NAV3: variants seen among roughly 807,000 people sequenced by gnomAD.
NAV3 encodes the protein pore membrane and/or filament interacting like protein 1.
In NAV3, 87 loss-of-function variants were observed where a neutral mutation model predicts 244.7. The ratio of observed to expected loss-of-function variants is 0.36; its 90% CI spans 0.30 to 0.42. The LOEUF (loss-of-function observed/expected upper bound fraction) is 0.42. NAV3 is among the 20% of genes least tolerant of loss of function. The pLI is 1.00. For missense variants in NAV3, 2,663 were observed against 2,893.3 expected, an observed-to-expected ratio of 0.92 and a Z score of 1.83; for synonymous variants, 1,126 against 1,042.2, an observed-to-expected ratio of 1.08 and a Z score of -1.55.
chr12:77,897,864 C>T (rs1044243197), intron 1 of NAV3, among the ~76,000 whole-genome samples: 8 of 152,088 alleles, frequency 5.3e-5, no homozygotes, highest in African/African-American at 1.7e-4. Context: ...ACCATGGATT[C>T]TACTCTTGTT....
chr12:77,827,371 ACT>A (rs951581696), upstream of NAV3, among the ~76,000 whole-genome samples: 28 of 150,268 alleles, frequency 1.9e-4, no homozygotes, highest in Non-Finnish European at 3.2e-4. Context: ...TTTTTCTCTT[ACT>A]CTTTCTTAAA....
At chr12:77,873,967 T>C (rs1403725575) in intron 1 of NAV3, among the ~76,000 whole-genome samples, 4 of 150,954 alleles carry the variant, frequency 2.6e-5, no homozygotes, top group Non-Finnish European at 5.9e-5. Flanking sequence ...GGCTAGTGAG[T>C]TCTAGCTCCT....
chr12:77,631,978 G>A (rs887235767), intron 2 of NAV3, among the ~76,000 whole-genome samples: 3 of 152,198 alleles, frequency 2.0e-5, no homozygotes, highest in African/African-American at 7.2e-5. Context: ...CATTGACTGG[G>A]TAGTGGTAGA....
At chr12:78,019,171 G>A (rs1593293272) in intron 8 of NAV3, among the ~76,000 whole-genome samples, 1 of 152,234 alleles carries the variant, frequency 6.6e-6, no homozygotes, top group African/African-American at 2.4e-5. Flanking sequence ...CAAGTTCAGA[G>A]AGGTGAAGTA....
chr12:77,831,620 T>C lies in NAV3; in HGVS notation c.159T>C (p.Ser53=), dbSNP rs1873708120. The C allele has an allele frequency of 1.2e-6, 2 of 1,614,086 alleles. No homozygotes were observed. The highest frequency in any genetic ancestry group is 1.1e-5 in the South Asian group (1 of 91,076). The stretch of plus-strand genomic sequence containing the variant: ...CTGAAACAGAGAGCTCCATGCTTTC[T>C]TGTCAGCTTGCGTTAAAATCAACCT... ...ELTETESSML[S]CQLALKSTCE... is the part of the protein sequence containing the mutation. Residue 53 remains serine (S), a synonymous_variant, in exon 1 of 40, where the codon TCT becomes TCC. Transcript: ENST00000397909.
chr12:77,880,185 T>C (rs1020626860), intron 1 of NAV3, among the ~76,000 whole-genome samples: 2 of 152,200 alleles, frequency 1.3e-5, no homozygotes, highest in African/African-American at 4.8e-5. Context: ...ACCTCCATTT[T>C]CAAGTAATAA....
chr12:78,200,774 A>C (rs144966607), intron 38 of NAV3, among the ~76,000 whole-genome samples, 183 bp downstream of exon 38: 148 of 152,166 alleles, frequency 9.7e-4, no homozygotes, highest in African/African-American at 3.2e-3. Flanking sequence ...CTGAGAACAA[A>C]TTTGTAAGAG....
At chr12:77,630,488 C>T (rs1040146590) in intron 2 of NAV3, among the ~76,000 whole-genome samples, 7 of 152,114 alleles carry the variant, frequency 4.6e-5, no homozygotes, top group Non-Finnish European at 2.9e-5. Flanking sequence ...ATTGCTGTAA[C>T]TCTTTTTTGT....
intron 11 of NAV3, among the ~76,000 whole-genome samples, chr12:78,055,143 C>T (rs538849800): frequency 5.9e-5 from 9 of 152,222 alleles, no homozygotes; most frequent in Non-Finnish European, 8.8e-5. Flanking sequence ...AGACATAGTA[C>T]GTGCCCACAT....
intron 1 of NAV3, among the ~76,000 whole-genome samples, chr12:77,885,375 G>A (rs1235654444): frequency 6.6e-6 from 1 of 151,968 alleles, no homozygotes; most frequent in Non-Finnish European, 1.5e-5. Context: ...TCTGCTACTA[G>A]TTTTGTATAT....
In NAV3 at chr12:78,122,273, G is replaced by C. The variant is rs796840739; in HGVS notation, c.4083G>C (p.Pro1361=). The change falls in exon 16 of 40, where the codon CCG becomes CCC. Residue 1361 remains proline, a synonymous_variant. Transcript: ENST00000397909. ...CCTCTGCAGGCAGCAAGGATACTCCGAGCTACCAGTCCATGACTAGCCTCC... is the reference window on the plus strand; with the variant it reads ...CCTCTGCAGGCAGCAAGGATACTCCCAGCTACCAGTCCATGACTAGCCTCC... ...SSSSAGSKDT[P]SYQSMTSLHT... 1.9e-6 allele frequency: 3 copies of C among 1,614,078 alleles called. No individual in the cohort carries two copies. The African/African-American group carries it at 4.0e-5, about 22-fold the overall frequency.
rs76393717 is a variant in NAV3, at chr12:77,928,469, T to C, written c.244-11850T>C. ...GAGAACCCCTACTAGGATTTCAAAA[T>C]TGTCTGACCTGTTCCCGACCCCCTC... On this transcript the variant is annotated intron_variant, in intron 1 of 39. Coordinates refer to ENST00000397909, the MANE Select transcript of NAV3 (RefSeq NM_001024383.2). Among the ~76,000 whole-genome samples the C allele has an allele frequency of 2.4e-3, 366 of 152,162 alleles. 1 individual carries two copies. The highest frequency in any genetic ancestry group is 7.8e-3 in the African/African-American group (325 of 41,512).
chr12:78,195,941 A>G (rs1250340348), intron 34 of NAV3, among the ~76,000 whole-genome samples: 2 of 152,082 alleles, frequency 1.3e-5, no homozygotes, highest in Non-Finnish European at 2.9e-5. Context: ...TACTTGATGC[A>G]GTTCATAATA....
chr12:77,580,065 C>G (rs1326151187), intron 2 of NAV3, among the ~76,000 whole-genome samples: 1 of 152,122 alleles, frequency 6.6e-6, no homozygotes, highest in African/African-American at 2.4e-5. Flanking sequence ...GGGGCCCCAG[C>G]AGTGCTAGTG....
intron 1 of NAV3, among the ~76,000 whole-genome samples, chr12:77,938,084 T>G (rs1470103514): frequency 6.6e-6 from 1 of 152,140 alleles, no homozygotes; most frequent in Non-Finnish European, 1.5e-5. Flanking sequence ...TCCTCACCCT[T>G]GTGAATCCTT....
At chr12:78,168,085 T>C (rs575173177) in intron 23 of NAV3, among the ~76,000 whole-genome samples, 1 of 151,876 alleles carries the variant, frequency 6.6e-6, no homozygotes, top group South Asian at 2.1e-4. Context: ...AAAAATTGTA[T>C]AATACATATA....
At position 77,699,096 on chromosome 12, in the gene NAV3, T is replaced by A. The variant is rs146036092; in HGVS notation, c.72+126830T>A. Among the ~76,000 whole-genome samples, 558 of 152,284 alleles carry A rather than the reference T, an allele frequency of 3.7e-3. 3 individuals carry two copies. The highest frequency in any genetic ancestry group is 6.7e-3 in the Non-Finnish European group (454 of 68,016). ...ATTTGATTTAGTGTTTTATCCACTTTTATTTGATATATTTCACTGGCATGG... is the reference window on the plus strand; with the variant it reads ...ATTTGATTTAGTGTTTTATCCACTTATATTTGATATATTTCACTGGCATGG... On this transcript the variant is annotated intron_variant, in intron 2 of 8. Transcript: ENST00000550042.
At chr12:78,048,608 A>G (rs909614747) in intron 9 of NAV3, among the ~76,000 whole-genome samples, 2 of 152,268 alleles carry the variant, frequency 1.3e-5, no homozygotes. Context: ...CCAGAGGGGC[A>G]CTTGCCAGAT....
intron 3 of NAV3, among the ~76,000 whole-genome samples, chr12:77,949,030 TA>T (rs1890628498): frequency 6.6e-6 from 1 of 152,016 alleles, no homozygotes. Flanking sequence ...ATTATTTTAA[TA>T]TGAATTCAGT....
Sources: allele counts gnomAD v4.1 joint callset (sites outside exome capture counted in the v4.1 genomes callset), GRCh38; gene constraint gnomAD v4.1.1; transcripts MANE v1.5; gene names NCBI Gene and HGNC (gene_info 2026-07-23, HGNC 2026-07-21).